Variants in SKIC3 observed in about 807,000 individuals in gnomAD.
SKIC3 encodes SKI3 subunit of superkiller complex.
At chr5:95,502,568 C>G in the SKIC3 span, among the ~76,000 whole-genome samples, 2 of 152,096 alleles carry the variant, frequency 1.3e-5, no homozygotes, top group Non-Finnish European at 2.9e-5. Context: ...AGCCAAAAGA[C>G]AAGGCTTCAT....
chr5:95,512,916 A>G, the SKIC3 span: 4 of 192,070 alleles, frequency 2.1e-5, no homozygotes, highest in South Asian at 3.7e-4. Context: ...AGGTCAGACC[A>G]AAAAAAAAAA....
At chr5:95,519,395 G>A in the SKIC3 span, among the ~76,000 whole-genome samples, 1 of 151,952 alleles carries the variant, frequency 6.6e-6, no homozygotes, top group African/African-American at 2.4e-5. Flanking sequence ...TACTCATGGA[G>A]TCCAGCCAAA....
the SKIC3 span, among the ~76,000 whole-genome samples, chr5:95,500,753 T>C: frequency 6.6e-6 from 1 of 152,198 alleles, no homozygotes; most frequent in Non-Finnish European, 1.5e-5. Flanking sequence ...TATATTTTAA[T>C]CACTTTTCAT....
the SKIC3 span, chr5:95,495,038 G>A: frequency 1.9e-6 from 3 of 1,611,600 alleles, no homozygotes; most frequent in Admixed American, 1.7e-5. Context: ...AAATATTGAT[G>A]ATTTATACAA....
chr5:95,529,495 C>T, the SKIC3 span: 2 of 310,446 alleles, frequency 6.4e-6, no homozygotes, highest in African/African-American at 4.3e-5. Context: ...TCTACAATCT[C>T]ACTTCTTGTC....
At chr5:95,503,337 G>A in the SKIC3 span, among the ~76,000 whole-genome samples, 2 of 152,046 alleles carry the variant, frequency 1.3e-5, no homozygotes, top group African/African-American at 2.4e-5. Flanking sequence ...AAACTCCCAC[G>A]TGCAGCCCAG....
At chr5:95,491,648 T>C in the SKIC3 span, among the ~76,000 whole-genome samples, 7 of 152,184 alleles carry the variant, frequency 4.6e-5, no homozygotes, top group African/African-American at 1.2e-4. Context: ...CAGCAGTGAG[T>C]TGGAAGGGAA....
At chr5:95,533,563 T>G in the SKIC3 span, among the ~76,000 whole-genome samples, 1 of 152,218 alleles carries the variant, frequency 6.6e-6, no homozygotes, top group Non-Finnish European at 1.5e-5. Flanking sequence ...CACAAATTCC[T>G]GCAACCAACA....
chr5:95,522,344 G>A, the SKIC3 span: 1 of 1,607,190 alleles, frequency 6.2e-7, no homozygotes, highest in East Asian at 2.2e-5. Flanking sequence ...CTAAAAGTAT[G>A]GAACTATCTC....
At chr5:95,516,909 A>G in the SKIC3 span, 1 of 1,581,164 alleles carries the variant, frequency 6.3e-7, no homozygotes. Context: ...ATTTATTTAT[A>G]CCATACATGT....
chr5:95,479,067 G>A, the SKIC3 span, among the ~76,000 whole-genome samples: 1 of 152,028 alleles, frequency 6.6e-6, no homozygotes, highest in Non-Finnish European at 1.5e-5. Flanking sequence ...ATATTGGGAA[G>A]AAAAAAGTAA....
the SKIC3 span, among the ~76,000 whole-genome samples, chr5:95,532,418 A>G: frequency 2.6e-5 from 4 of 152,176 alleles, no homozygotes; most frequent in African/African-American, 9.6e-5. Flanking sequence ...TCTGCATATG[A>G]CCAAGCGGCA....
chr5:95,490,727 T>C, the SKIC3 span, among the ~76,000 whole-genome samples: 2 of 152,060 alleles, frequency 1.3e-5, no homozygotes, highest in African/African-American at 4.8e-5. Context: ...CTCGATCTCC[T>C]GACCTCGTGA....
At chr5:95,476,147 C>G in the SKIC3 span, among the ~76,000 whole-genome samples, 2 of 152,222 alleles carry the variant, frequency 1.3e-5, no homozygotes, top group Non-Finnish European at 2.9e-5. Context: ...TGCCCAGGAA[C>G]CCATGCATCT....
At chr5:95,477,611 C>A in the SKIC3 span, among the ~76,000 whole-genome samples, 1 of 152,108 alleles carries the variant, frequency 6.6e-6, no homozygotes, top group Non-Finnish European at 1.5e-5. Flanking sequence ...AACCCCCAGT[C>A]CCCTTCTCCA....
At chr5:95,469,516 C>T in the SKIC3 span, among the ~76,000 whole-genome samples, 6 of 152,190 alleles carry the variant, frequency 3.9e-5, no homozygotes, top group Admixed American at 1.3e-4. Flanking sequence ...ACCTTCTTCA[C>T]TGGAAATGCT....
chr5:95,476,548 G>GT, the SKIC3 span, among the ~76,000 whole-genome samples: 1 of 152,104 alleles, frequency 6.6e-6, no homozygotes. Context: ...GATGTCAAAT[G>GT]TTTTTTCAAG....
the SKIC3 span, among the ~76,000 whole-genome samples, chr5:95,476,016 C>T: frequency 6.6e-6 from 1 of 152,240 alleles, no homozygotes; most frequent in Admixed American, 6.5e-5. Flanking sequence ...TCCATGCCCA[C>T]ATTACTTTTG....
the SKIC3 span, among the ~76,000 whole-genome samples, chr5:95,510,687 A>G: frequency 3.4e-4 from 52 of 152,182 alleles, 1 homozygote; most frequent in Middle Eastern, 3.4e-3. Context: ...CCTGCCCACC[A>G]CCATCCACCA....
Sources: allele counts gnomAD v4.1 joint callset (sites outside exome capture counted in the v4.1 genomes callset), GRCh38; gene constraint gnomAD v4.1.1; transcripts MANE v1.5; gene names NCBI Gene and HGNC (gene_info 2026-07-23, HGNC 2026-07-21).